The following DCC variants were observed in gnomAD, a reference collection of about 807,000 sequenced individuals.
DCC encodes netrin receptor DCC.
In DCC, 58 loss-of-function variants were observed where a neutral mutation model predicts 172.5. The observed-to-expected ratio is 0.34, with a 90% CI of 0.27 to 0.42. The LOEUF (loss-of-function observed/expected upper bound fraction) is 0.42. Ranked by LOEUF, DCC falls within the 10% of genes least tolerant of loss-of-function variation. The pLI is 1.00. For synonymous variants in DCC, 709 were observed against 644.5 expected, an observed-to-expected ratio of 1.10 and a Z score of -1.52; for missense variants, 1,740 against 1,791.0, an observed-to-expected ratio of 0.97 and a Z score of 0.51.
intron 5 of DCC, among the ~76,000 whole-genome samples, chr18:52,926,865 A>G (rs147523319): frequency 0.041 from 5,951 of 145,878 alleles, 176 homozygotes; most frequent in Non-Finnish European, 0.061. Flanking sequence ...GTGTGTGTAT[A>G]TATACATATA....
intron 2 of DCC, among the ~76,000 whole-genome samples, chr18:52,757,858 G>A (rs1164072800): frequency 6.6e-6 from 1 of 152,020 alleles, no homozygotes; most frequent in East Asian, 1.9e-4. Flanking sequence ...AGAGCTCTAT[G>A]GCCAGAGATT....
At chr18:53,075,289 G>A (rs1344737109) in intron 7 of DCC, among the ~76,000 whole-genome samples, 2 of 152,156 alleles carry the variant, frequency 1.3e-5, no homozygotes, top group Non-Finnish European at 2.9e-5. Context: ...GTAGGCAGAG[G>A]TTTCTCAGCA....
chr18:53,184,079 A>G (rs941983150), intron 9 of DCC, among the ~76,000 whole-genome samples: 5 of 152,050 alleles, frequency 3.3e-5, no homozygotes, highest in African/African-American at 1.2e-4. Context: ...TACATTTACA[A>G]ACAAAGTGGG....
intron 8 of DCC, among the ~76,000 whole-genome samples, chr18:53,178,654 G>C (rs1419823249): frequency 6.6e-6 from 1 of 152,164 alleles, no homozygotes; most frequent in African/African-American, 2.4e-5. Flanking sequence ...TATTTTAATA[G>C]CTCCTTGTTT....
intron 27 of DCC, among the ~76,000 whole-genome samples, chr18:53,504,708 T>C (rs1366155694): frequency 6.6e-6 from 1 of 152,152 alleles, no homozygotes; most frequent in Non-Finnish European, 1.5e-5. Context: ...CCTCTGAGGT[T>C]TTAGAAAATA....
At chr18:53,306,807 A>G (rs893906556) in intron 13 of DCC, among the ~76,000 whole-genome samples, 4 of 152,234 alleles carry the variant, frequency 2.6e-5, no homozygotes, top group Admixed American at 1.3e-4. Flanking sequence ...GAAACTTGGC[A>G]AGCAAAGCAT....
chr18:53,126,802 A>G (rs2043563739), intron 7 of DCC, among the ~76,000 whole-genome samples: 1 of 152,192 alleles, frequency 6.6e-6, no homozygotes, highest in East Asian at 1.9e-4. Context: ...TTGAGTTGAC[A>G]GACATAATTC....
intron 2 of DCC, among the ~76,000 whole-genome samples, chr18:52,862,079 A>T (rs113264808): frequency 0.021 from 3,230 of 152,234 alleles, 96 homozygotes; most frequent in African/African-American, 0.07. Flanking sequence ...CTCATACAGT[A>T]TTAGAACACA....
chr18:52,886,188 C>T lies in DCC; in HGVS notation c.413-19856C>T, dbSNP rs147740115. Among the ~76,000 whole-genome samples, 710 of 152,188 alleles carry T rather than the reference C, an allele frequency of 4.7e-3. 1 individual carries two copies. The highest frequency in any genetic ancestry group is 7.3e-3 in the Non-Finnish European group (497 of 68,026). On this transcript the variant is annotated intron_variant, in intron 2 of 28. Coordinates refer to ENST00000442544, the MANE Select transcript of DCC (RefSeq NM_005215.4). ...GTATCTCCCTAGGTCACATGCCATC[C>T]GAATCTACTGGCTCTAAGCCCAGCC...
intron 1 of DCC, among the ~76,000 whole-genome samples, chr18:52,424,674 C>T (rs1987363300): frequency 6.6e-6 from 1 of 151,998 alleles, no homozygotes; most frequent in South Asian, 2.1e-4. Flanking sequence ...AAGAAAGTGC[C>T]ACATTTTTTC....
At chr18:52,842,225 C>G (rs1206082522) in intron 2 of DCC, among the ~76,000 whole-genome samples, 1 of 151,996 alleles carries the variant, frequency 6.6e-6, no homozygotes, top group African/African-American at 2.4e-5. Flanking sequence ...GTAAATCTCA[C>G]ATGATTATTT....
At chr18:53,300,574 G>A (rs1419651216) in intron 12 of DCC, among the ~76,000 whole-genome samples, 4 of 152,006 alleles carry the variant, frequency 2.6e-5, no homozygotes, top group African/African-American at 4.8e-5. Context: ...TATTAAATAA[G>A]GTATCATTAA....
intron 1 of DCC, among the ~76,000 whole-genome samples, chr18:52,592,806 C>T (rs1001749522): frequency 2.6e-5 from 4 of 151,876 alleles, no homozygotes; most frequent in African/African-American, 9.7e-5. Flanking sequence ...TCTAATTGTG[C>T]GTGTGTGTGT....
At chr18:53,361,829 T>G (rs1599065414) in intron 15 of DCC, among the ~76,000 whole-genome samples, 1 of 41,488 alleles carries the variant, frequency 2.4e-5, no homozygotes. Context: ...AAATTATGTA[T>G]TTTTTTTAAA....
At chr18:53,316,849 G>A (rs1380066813) in intron 13 of DCC, among the ~76,000 whole-genome samples, 4 of 152,232 alleles carry the variant, frequency 2.6e-5, no homozygotes, top group African/African-American at 9.6e-5. Flanking sequence ...ATTTGGGGCT[G>A]AGATGATGGG....
At chr18:52,788,116 G>A (rs1598802746) in intron 2 of DCC, among the ~76,000 whole-genome samples, 2 of 152,068 alleles carry the variant, frequency 1.3e-5, no homozygotes, top group African/African-American at 4.8e-5. Flanking sequence ...ACACATTTTT[G>A]CAAGATTAAT....
At chr18:53,348,863 G>A (rs866993130) in intron 15 of DCC, among the ~76,000 whole-genome samples, 1 of 152,300 alleles carries the variant, frequency 6.6e-6, no homozygotes, top group Middle Eastern at 3.4e-3. Context: ...CCAGCCCACA[G>A]AACCACTTTT....
intron 22 of DCC, among the ~76,000 whole-genome samples, chr18:53,436,787 G>A (rs1047531085): frequency 6.6e-6 from 1 of 152,122 alleles, no homozygotes; most frequent in African/African-American, 2.4e-5. Flanking sequence ...CAGATTTGGG[G>A]TAACTTATAA....
intron 1 of DCC, among the ~76,000 whole-genome samples, chr18:52,598,409 T>G (rs2033950346): frequency 6.6e-6 from 1 of 152,084 alleles, no homozygotes; most frequent in Admixed American, 6.6e-5. Flanking sequence ...GGTAAGTATG[T>G]TGAGGGAAAG....
Sources: allele counts gnomAD v4.1 joint callset (sites outside exome capture counted in the v4.1 genomes callset), GRCh38; gene constraint gnomAD v4.1.1; transcripts MANE v1.5; gene names NCBI Gene and HGNC (gene_info 2026-07-23, HGNC 2026-07-21).